The following PDIA6 variants were observed in gnomAD, a reference collection of about 807,000 sequenced individuals.
PDIA6 encodes protein disulfide isomerase family A member 6.
Under a neutral mutation model 58.4 loss-of-function variants are expected in PDIA6, and 29 were observed. The ratio of observed to expected loss-of-function variants is 0.50; its 90% CI spans 0.37 to 0.68. The LOEUF (loss-of-function observed/expected upper bound fraction) is 0.68, where lower values mean the gene tolerates loss of function less well. PDIA6 is among the 30% of genes least tolerant of loss of function. PDIA6 has a pLI of 0.00. For synonymous variants in PDIA6, 192 were observed against 202.6 expected, an observed-to-expected ratio of 0.95 and a Z score of 0.44; for missense variants, 480 against 551.0, an observed-to-expected ratio of 0.87 and a Z score of 1.29.
rs754821323 is a variant in PDIA6 at position 10,791,887 on chromosome 2, C to G, written c.492G>C (p.Glu164Asp). Residue 164 changes from glutamate to aspartate, a missense_variant, in exon 6 of 13, where the codon GAG becomes GAC. Transcript: ENST00000272227. ...TCTTATCAAAGCTGTCGTCTGTCAG[C>G]TCAATCACATCCTTCTTACTTGAAC... is the stretch of plus-strand genomic sequence containing the variant. ...SDSSSKKDVI[E>D]LTDDSFDKNV... 6.2e-6 allele frequency: 10 copies of G among 1,613,990 alleles called. No individual in the cohort carries two copies. The Admixed American group carries it at 1.7e-4, about 27-fold the overall frequency.
chr2:10,787,851 G>T (rs1040805115), intron 10 of PDIA6, among the ~76,000 whole-genome samples: 1 of 152,186 alleles, frequency 6.6e-6, no homozygotes, highest in Non-Finnish European at 1.5e-5. Flanking sequence ...GATCACCTGA[G>T]GTCAGGAGTT....
chr2:10,833,174 C>T (rs1442022670), upstream of PDIA6, among the ~76,000 whole-genome samples: 2 of 152,196 alleles, frequency 1.3e-5, no homozygotes, highest in African/African-American at 4.8e-5. Context: ...CCCGCTCCCT[C>T]GACAGGCCAG....
intron 4 of PDIA6, among the ~76,000 whole-genome samples, chr2:10,796,443 C>T (rs7572982): frequency 0.53 from 79,673 of 150,338 alleles, 22,695 homozygotes; most frequent in Middle Eastern, 0.67. Flanking sequence ...AGTAGGAGGA[C>T]TGCCTGAGCC....
chr2:10,790,637 T>A (rs771927912), intron 7 of PDIA6, 82 bp downstream of exon 7: 7 of 969,314 alleles, frequency 7.2e-6, no homozygotes, highest in Non-Finnish European at 1.2e-5. Flanking sequence ...CTTTACTACC[T>A]CATAGGGAGG....
At chr2:10,830,240 G>A (rs1186733098) in intron 1 of PDIA6, among the ~76,000 whole-genome samples, 7 of 152,222 alleles carry the variant, frequency 4.6e-5, no homozygotes, top group Admixed American at 4.6e-4. Flanking sequence ...CCAGCTCCTA[G>A]CACGGCCTGG....
At chr2:10,786,111 T>C (rs1189496006) in intron 11 of PDIA6, among the ~76,000 whole-genome samples, 5 of 152,082 alleles carry the variant, frequency 3.3e-5, no homozygotes, top group South Asian at 2.1e-4. Flanking sequence ...TCACTTGAGG[T>C]CAGGGGTTTG....
At chr2:10,832,532 T>C, upstream of PDIA6, 1 of 630,774 alleles carries the variant, frequency 1.6e-6, no homozygotes, top group Non-Finnish European at 2.0e-6. Flanking sequence ...GCCCTTGCTC[T>C]GCGCAGGCTG....
chr2:10,816,952 A>G (rs899046284), upstream of PDIA6, among the ~76,000 whole-genome samples: 2 of 152,178 alleles, frequency 1.3e-5, no homozygotes, highest in Admixed American at 1.3e-4. Flanking sequence ...AGTTAATGAC[A>G]TATCAAAAGC....
intron 1 of PDIA6, among the ~76,000 whole-genome samples, chr2:10,832,040 G>A (rs868487836): frequency 0.037 from 3,681 of 98,608 alleles, 182 homozygotes; most frequent in African/African-American, 0.11. Context: ...AAAAAAAAGA[G>A]GAGAGAATTC....
At chr2:10,784,406 C>A in intron 12 of PDIA6, 80 bp from the exon 13 acceptor site, 1 of 1,096,688 alleles carries the variant, frequency 9.1e-7, no homozygotes, top group Non-Finnish European at 1.3e-6. Context: ...TATGGAAGAG[C>A]GACTCTCTGG....
At chr2:10,828,853 G>A (rs1381166264) in intron 1 of PDIA6, among the ~76,000 whole-genome samples, 1 of 152,232 alleles carries the variant, frequency 6.6e-6, no homozygotes, top group Non-Finnish European at 1.5e-5. Flanking sequence ...GAAATTCCCA[G>A]GGGCACTCCG....
At chr2:10,791,020 C>T (rs1666011033) in intron 6 of PDIA6, among the ~76,000 whole-genome samples, 187 bp from the exon 7 acceptor site, 1 of 152,010 alleles carries the variant, frequency 6.6e-6, no homozygotes. Context: ...TTAATTTCTA[C>T]ATTTTTAGTA....
intron 1 of PDIA6, chr2:10,810,555 T>C: frequency 1.3e-6 from 1 of 763,520 alleles, no homozygotes; most frequent in Non-Finnish European, 1.7e-6. Context: ...GGGACCTTTG[T>C]TTGTCTTTAA....
intron 2 of PDIA6, 142 bp downstream of exon 2, chr2:10,802,357 T>G (rs1029753918): frequency 8.5e-5 from 39 of 460,926 alleles, no homozygotes; most frequent in Non-Finnish European, 1.3e-4. Context: ...ATACTTTGCA[T>G]TTCCCATTTC....
chr2:10,804,197 C>T (rs1034434326), intron 1 of PDIA6, among the ~76,000 whole-genome samples: 2 of 151,790 alleles, frequency 1.3e-5, no homozygotes. Flanking sequence ...CGTGAGCCAC[C>T]GTGCCCGGCC....
At chr2:10,832,533 G>T, upstream of PDIA6, 2 of 627,446 alleles carry the variant, frequency 3.2e-6, no homozygotes, top group Non-Finnish European at 2.0e-6. Flanking sequence ...CCCTTGCTCT[G>T]CGCAGGCTGC....
At chr2:10,784,556 G>T in intron 12 of PDIA6, 1 of 483,130 alleles carries the variant, frequency 2.1e-6, no homozygotes. Context: ...AACACTGGAA[G>T]CCACTTGAAC....
At position 10,807,799 on chromosome 2, in the gene PDIA6, A is replaced by G. The variant is rs148170132; in HGVS notation, c.19+4879T>C. Among the ~76,000 whole-genome samples the G allele has an allele frequency of 3.2e-3, 491 of 152,288 alleles. 4 individuals are homozygous for G. Among genetic ancestry groups the G allele is most frequent in the African/African-American group, 0.011 (472 of 41,550 alleles). On this transcript the variant is annotated intron_variant, in intron 1 of 12. Coordinates refer to ENST00000272227, the MANE Select transcript of PDIA6 (RefSeq NM_005742.4). ...AATCCTCCATCATACAACACGTTCAATTTTTCAAATCACTATCAAATGTTA... is the reference window on the plus strand; with the variant it reads ...AATCCTCCATCATACAACACGTTCAGTTTTTCAAATCACTATCAAATGTTA...
At chr2:10,803,926 T>TTTTTTTTTTTTTTA (rs1666624246) in intron 1 of PDIA6, among the ~76,000 whole-genome samples, 2 of 149,384 alleles carry the variant, frequency 1.3e-5, no homozygotes, top group Non-Finnish European at 1.5e-5. Context: ...TTTTTTTTTT[T>TTTTTTTTTTTTTTA]GAGACAGAGT....
Sources: gnomAD v4.1 joint callset for allele counts (sites outside exome capture counted in the v4.1 genomes callset) on GRCh38, gnomAD v4.1.1 for gene constraint, MANE v1.5 for transcripts, NCBI Gene and HGNC (gene_info 2026-07-23, HGNC 2026-07-21) for gene names.